The following SH3D21 variants were observed in gnomAD, a reference collection of about 807,000 sequenced individuals.
The protein encoded by SH3D21 is SH3 domain-containing protein 21.
SH3D21 carries 83 observed loss-of-function variants against 82.1 expected under a neutral mutation model. That is an observed-to-expected ratio of 1.01 (90% confidence interval 0.85 to 1.21). The LOEUF (loss-of-function observed/expected upper bound fraction) is 1.21. Ranked by LOEUF, SH3D21 falls within the 50% of genes most tolerant of loss-of-function variation. SH3D21 has a pLI of 0.00. For synonymous variants in SH3D21, 383 were observed against 387.8 expected (o/e 0.99, Z 0.15); for missense variants, 980 against 962.1 (o/e 1.02, Z -0.25).
rs539791282 is a variant in SH3D21 at position 36,319,757 on chromosome 1, C to T, written c.1094C>T (p.Pro365Leu). The change falls in exon 14 of 16, where the codon CCC becomes CTC. Residue 365 changes from proline to leucine, a missense_variant. Physicochemically the swap from Pro to Leu is moderately conservative, Grantham distance 98. Coordinates refer to ENST00000453908, the MANE Select transcript of SH3D21 (RefSeq NM_001162530.2). ...GACAAGACTGCCACCCCAGAGAGGC[C>T]CCCAGCTCCAGAGAACGCCCCCAGC... ...MPDKTATPER[P>L]PAPENAPSSK... 3.1e-6 allele frequency: 5 copies of T among 1,607,060 alleles called. No homozygotes were observed. Among genetic ancestry groups the T allele is most frequent in the Middle Eastern group, 1.7e-4 (1 of 6,012 alleles).
In SH3D21 at chr1:36,320,951, C is replaced by A; in HGVS notation, c.2172C>A (p.Ser724Arg). The A allele has an allele frequency of 6.4e-7, 1 of 1,569,856 alleles. No homozygotes were observed. Among genetic ancestry groups the A allele is most frequent in the African/African-American group, 1.3e-5 (1 of 74,360 alleles). Residue 724 changes from serine to arginine, a missense_variant, in exon 15 of 16, where the codon AGC becomes AGA. Transcript: ENST00000453908. ...KLTDIWEELK[S>R]EKEQRRRLEV... is the part of the protein sequence containing the mutation. ...CCGACATCTGGGAGGAGCTGAAGAG[C>A]GAGAAGGAGCAGCGCCGGCGGCTGG...
rs767624105 is a variant in SH3D21, at chr1:36,313,972, C to CTT, written c.769+4401_769+4402dup. Among the ~76,000 whole-genome samples the CTT allele has an allele frequency of 5.8e-3, 212 of 36,822 alleles. 84 individuals are homozygous for CTT. In the East Asian group the frequency reaches 0.1, roughly 17 times the overall value. The allele number at this position is 36,822 out of a possible 152,430, so 24.2% of individuals were successfully genotyped here. A position where few individuals can be genotyped will look rare whatever the true frequency, so the allele number is the denominator to read the frequency against. On this transcript the variant is annotated intron_variant, in intron 10 of 15. Transcript: ENST00000453908. ...TGGCTAATGATGCTGAACATATTTT[C>CTT]TTTTTTTTTTTTTTTTTTTTGAGAC...
downstream of SH3D21, among the ~76,000 whole-genome samples, chr1:36,326,995 C>T (rs927055919): frequency 6.6e-5 from 10 of 152,098 alleles, no homozygotes; most frequent in African/African-American, 1.7e-4. Context: ...GAGTCCTTAC[C>T]ACATAAGATG....
At position 36,319,057 on chromosome 1, in the gene SH3D21, T is replaced by C. The variant is rs1353256069; in HGVS notation, c.770-14T>C. 8 of 1,469,282 alleles carry C rather than the reference T, an allele frequency of 5.4e-6. No homozygotes were observed. In the East Asian group the frequency reaches 2.0e-4, roughly 36 times the overall value. The allele number at this position is 1,469,282 out of a possible 1,614,324, so 91.0% of individuals were successfully genotyped here. A position where few individuals can be genotyped will look rare whatever the true frequency, so the allele number is the denominator to read the frequency against. ...ACTGTCAGATGGATGAGTGCTCCAC[T>C]CCTCTCTTCCCAGCTCCTATTAAGG... On this transcript the variant is annotated splice_polypyrimidine_tract_variant and intron_variant, in intron 10 of 15. Coordinates refer to ENST00000453908, the MANE Select transcript of SH3D21 (RefSeq NM_001162530.2).
chr1:36,320,143 G>T lies in SH3D21; in HGVS notation c.1480G>T (p.Glu494Ter). Residue 494 changes from glutamate (E) to a stop codon, truncating the protein, a stop_gained, in exon 14 of 16, where the codon GAG becomes TAG. Transcript: ENST00000453908. LOFTEE classifies it high-confidence loss of function. ...CTTGACCCCAGAGCTTTCTGAAGAA[G>T]AGGTGTCCACCAGAGATGACATTCA... Reference protein sequence around the residue: ...KVLTPELSEEEVSTRDDIQFH... With the variant: ...KVLTPELSEE 6.2e-7 allele frequency: 1 copy of T among 1,613,936 alleles called. No homozygotes were observed. The highest frequency in any genetic ancestry group is 8.5e-7 in the Non-Finnish European group (1 of 1,180,040).
chr1:36,320,599 G>T lies in SH3D21; in HGVS notation c.1936G>T (p.Val646Leu), dbSNP rs1466085100. 7.4e-6 allele frequency: 12 copies of T among 1,614,242 alleles called. No homozygotes were observed. The highest frequency in any genetic ancestry group is 1.0e-5 in the Non-Finnish European group (12 of 1,180,046). The change falls in exon 14 of 16, where the codon GTG becomes TTG. Residue 646 changes from valine (V) to leucine (L), a missense_variant. Physicochemically the swap from Val to Leu is conservative, Grantham distance 32 (BLOSUM62 1). Coordinates refer to ENST00000453908, the MANE Select transcript of SH3D21 (RefSeq NM_001162530.2). The part of the protein sequence containing the change: ...PKEEVAPKEE[V>L]PPIERAFAQK... ...AGAGGAAGTGGCTCCAAAAGAGGAG[G>T]TGCCCCCCATAGAAAGAGCCTTTGC...
At chr1:36,322,076 T>G (rs1161074164), downstream of SH3D21, 1 of 1,347,350 alleles carries the variant, frequency 7.4e-7, no homozygotes, top group Non-Finnish European at 9.5e-7. Context: ...CACCTCTTCA[T>G]CGACCCCAGA....
rs1244438254 is a variant in SH3D21, at chr1:36,319,303, C to T, written c.907C>T (p.Arg303Ter). The change falls in exon 12 of 16, where the codon CGA becomes TGA. Residue 303 changes from arginine to a stop codon, truncating the protein, a stop_gained. Transcript: ENST00000453908. LOFTEE classifies it high-confidence loss of function. ...CAGGGACAGTCAGAAGCTCACCTCC[C>T]GAGACTCAGGCAAGGGCTGCCTTCC... ...PSRDSQKLTS[R>*]DSGPNGGFQS... 8.4e-6 allele frequency: 13 copies of T among 1,551,528 alleles called. No individual in the cohort carries two copies. Among genetic ancestry groups the T allele is most frequent in the African/African-American group, 5.5e-5 (4 of 73,006 alleles).
At chr1:36,326,436 G>C (rs968703649), downstream of SH3D21, among the ~76,000 whole-genome samples, 2 of 152,076 alleles carry the variant, frequency 1.3e-5, no homozygotes, top group Admixed American at 6.6e-5. Flanking sequence ...TCTCCATGTT[G>C]GTCAGGCTGG....
At chr1:36,326,723 G>A (rs920763887), downstream of SH3D21, among the ~76,000 whole-genome samples, 23 of 152,304 alleles carry the variant, frequency 1.5e-4, no homozygotes, top group Non-Finnish European at 2.2e-4. Context: ...GGGCGGGGCC[G>A]GTGGAGAGGC....
Position 36,321,055 on chromosome 1 carries a change from G to A in SH3D21, c.2200-1G>A, listed in dbSNP as rs769398218. Reference sequence around the variant, plus strand: ...AAAGTCTCCACCTCACTCCCGACCAGGTCCAGGTGATGCAGGGGACCCAGA... The same window carrying A: ...AAAGTCTCCACCTCACTCCCGACCAAGTCCAGGTGATGCAGGGGACCCAGA... On this transcript the variant is annotated splice_acceptor_variant, in intron 15 of 15. Coordinates refer to ENST00000453908, the MANE Select transcript of SH3D21 (RefSeq NM_001162530.2). LOFTEE classifies it high-confidence loss of function. The surrounding 1 kb of genome is among the most constrained non-coding windows in gnomAD (Gnocchi z 6.1). 1 of 1,611,066 alleles carries A rather than the reference G, an allele frequency of 6.2e-7. No individual in the cohort carries two copies. Among genetic ancestry groups the A allele is most frequent in the Non-Finnish European group, 8.5e-7 (1 of 1,178,944 alleles).
In SH3D21 at chr1:36,306,429, G is replaced by C. The variant is rs1179613586; in HGVS notation, c.4+5G>C. 5 of 1,305,324 alleles carry C rather than the reference G, an allele frequency of 3.8e-6. No homozygotes were observed. The African/African-American group carries it at 7.6e-5, about 20-fold the overall frequency. 80.9% of individuals were successfully genotyped at this position (1,305,324 alleles called of 1,614,324 possible). On this transcript the variant is annotated splice_donor_5th_base_variant and intron_variant, in intron 1 of 15. Coordinates refer to ENST00000453908, the MANE Select transcript of SH3D21 (RefSeq NM_001162530.2). The surrounding 1 kb of genome is among the most constrained non-coding windows in gnomAD (Gnocchi z 4.5). ...AGGGCGCCCCGGAAACCATGGGTAAGTGCGGAGGCTTTGAGGTGGCCTCTC... is the reference window on the plus strand; with the variant it reads ...AGGGCGCCCCGGAAACCATGGGTAACTGCGGAGGCTTTGAGGTGGCCTCTC...
At chr1:36,323,159 C>T, downstream of SH3D21, 2 of 1,106,156 alleles carry the variant, frequency 1.8e-6, no homozygotes, top group Non-Finnish European at 2.6e-6. Flanking sequence ...GCCGCGGGCC[C>T]AGGTTCCACC....
At chr1:36,312,367 G>A (rs1646258915) in intron 10 of SH3D21, among the ~76,000 whole-genome samples, 1 of 152,128 alleles carries the variant, frequency 6.6e-6, no homozygotes, top group African/African-American at 2.4e-5. Flanking sequence ...ATATTCTTAG[G>A]TATCTCAGAG....
Position 36,308,399 on chromosome 1 carries a change from A to T in SH3D21, c.650A>T (p.Asp217Val). 6.4e-7 allele frequency: 1 copy of T among 1,551,876 alleles called. No homozygotes were observed. The highest frequency in any genetic ancestry group is 8.7e-7 in the Non-Finnish European group (1 of 1,147,020). Reference sequence around the variant, plus strand: ...GTGTTTCTTTTCCAGACCACAGAGGATAAGGGCTGGTGGGAAGGAGAGTGT... The same window carrying T: ...GTGTTTCTTTTCCAGACCACAGAGGTTAAGGGCTGGTGGGAAGGAGAGTGT... ...VVKVLSKTTE[D>V]KGWWEGECQG... is the part of the protein sequence containing the mutation. Residue 217 changes from aspartate (D) to valine (V), a missense_variant, in exon 9 of 16, where the codon GAT (aspartate) becomes GTT (valine). Asp to Val is a radical substitution (Grantham distance 152). Transcript: ENST00000453908.
chr1:36,320,460 C>T lies in SH3D21; in HGVS notation c.1797C>T (p.Thr599=). The change falls in exon 14 of 16, where the codon ACC becomes ACT. Residue 599 remains threonine, a synonymous_variant. Coordinates refer to ENST00000453908, the MANE Select transcript of SH3D21 (RefSeq NM_001162530.2). The part of the protein sequence containing the change: ...PEEAPSNDER[T]PEEEAPPNEQ... Reference sequence around the variant, plus strand: ...AGGCACCTTCCAATGACGAGAGGACCCCTGAAGAGGAGGCGCCCCCCAACG... The same window carrying T: ...AGGCACCTTCCAATGACGAGAGGACTCCTGAAGAGGAGGCGCCCCCCAACG... The T allele has an allele frequency of 6.2e-7, 1 of 1,613,614 alleles. No homozygotes were observed. The highest frequency in any genetic ancestry group is 2.2e-5 in the East Asian group (1 of 44,868).
rs149031303 is a variant in SH3D21, at chr1:36,319,734, C to T, written c.1071C>T (p.Asp357=). The change falls in exon 14 of 16, where the codon GAC becomes GAT. Residue 357 remains aspartate (D), a synonymous_variant. Transcript: ENST00000453908. The part of the protein sequence containing the change: ...APSVKRTPMP[D]KTATPERPPA... ...CTGTGAAGAGAACCCCCATGCCGGA[C>T]AAGACTGCCACCCCAGAGAGGCCCC... 1.3e-6 allele frequency: 2 copies of T among 1,597,366 alleles called. No homozygotes were observed. The highest frequency in any genetic ancestry group is 1.7e-6 in the Non-Finnish European group (2 of 1,173,596).
chr1:36,307,836 T>G lies in SH3D21; in HGVS notation c.492+11T>G. The G allele has an allele frequency of 1.9e-6, 3 of 1,551,744 alleles. No homozygotes were observed. Among genetic ancestry groups the G allele is most frequent in the Non-Finnish European group, 2.6e-6 (3 of 1,147,000 alleles). The stretch of plus-strand genomic sequence containing the variant: ...CAGCGGCCTCCCAAGGTAAGTTGGC[T>G]CAGAGTAGGCACAGAGGTGGTGAGT... On this transcript the variant is annotated intron_variant, in intron 6 of 15. Coordinates refer to ENST00000453908, the MANE Select transcript of SH3D21 (RefSeq NM_001162530.2). This position sits in a 1 kb window ranked among gnomAD's most constrained non-coding sequence, Gnocchi z 5.4.
chr1:36,309,652 C>T, intron 10 of SH3D21, 62 bp downstream of exon 10: 4 of 1,534,426 alleles, frequency 2.6e-6, no homozygotes, highest in Non-Finnish European at 3.5e-6. Flanking sequence ...AGTCCAGTTG[C>T]TTATAAACAC....
Sources: gnomAD v4.1 joint callset for allele counts (sites outside exome capture counted in the v4.1 genomes callset) on GRCh38, gnomAD v4.1.1 for gene constraint, Gnocchi (gnomAD v3.1) non-coding constraint, MANE v1.5 for transcripts, NCBI Gene and HGNC (gene_info 2026-07-23, HGNC 2026-07-21) for gene names.